PPARGC1A: variants seen among roughly 807,000 people sequenced by gnomAD.
PPARGC1A encodes peroxisome proliferator-activated receptor gamma coactivator 1-alpha.
In PPARGC1A, 25 loss-of-function variants were observed where a neutral mutation model predicts 88.7. That is an observed-to-expected ratio of 0.28 (90% CI 0.21 to 0.39). The LOEUF is 0.39. PPARGC1A is among the 10% of genes least tolerant of loss of function. The probability of loss-of-function intolerance (pLI) is 1.00; values close to 1 mark genes in which losing one functional copy is unlikely to be tolerated. For missense variants in PPARGC1A, 880 were observed against 968.7 expected (o/e 0.91, Z 1.22); for synonymous variants, 363 against 355.6 (o/e 1.02, Z -0.24).
the PPARGC1A span, among the ~76,000 whole-genome samples, chr4:24,125,595 C>G: frequency 5.3e-5 from 8 of 152,276 alleles, no homozygotes; most frequent in Admixed American, 1.3e-4. Flanking sequence ...TCCTTCCCTA[C>G]TTCTTATGCC....
At chr4:24,022,182 T>G in the PPARGC1A span, among the ~76,000 whole-genome samples, 1 of 152,166 alleles carries the variant, frequency 6.6e-6, no homozygotes, top group Non-Finnish European at 1.5e-5. Context: ...AGCTCTCTTT[T>G]GCTCTTTCTG....
intron 2 of PPARGC1A, chr4:23,875,819 T>G (rs1413284437): frequency 6.6e-6 from 1 of 152,224 alleles, no homozygotes; most frequent in Non-Finnish European, 1.5e-5. Flanking sequence ...TAGAAGATGT[T>G]TTGTGTGCTT....
At chr4:23,841,312 A>G (rs1477543151) in intron 2 of PPARGC1A, among the ~76,000 whole-genome samples, 2 of 152,114 alleles carry the variant, frequency 1.3e-5, no homozygotes, top group Non-Finnish European at 2.9e-5. Context: ...TCCATACCAT[A>G]TAACACACTC....
chr4:23,818,631 G>A (rs1722402498), intron 7 of PPARGC1A, among the ~76,000 whole-genome samples: 1 of 151,896 alleles, frequency 6.6e-6, no homozygotes. Flanking sequence ...TCTGGGAGAA[G>A]TGGTACATAC....
the PPARGC1A span, among the ~76,000 whole-genome samples, chr4:24,379,166 AT>A: frequency 2.6e-4 from 40 of 152,324 alleles, no homozygotes; most frequent in Non-Finnish European, 5.3e-4. Context: ...AAATTATCGC[AT>A]GTCTATATGA....
At chr4:23,865,904 T>C (rs1711838749) in intron 2 of PPARGC1A, among the ~76,000 whole-genome samples, 1 of 152,170 alleles carries the variant, frequency 6.6e-6, no homozygotes, top group South Asian at 2.1e-4. Flanking sequence ...TGTTGTAATC[T>C]ACACATGCAG....
chr4:24,151,440 A>G, the PPARGC1A span, among the ~76,000 whole-genome samples: 1 of 152,062 alleles, frequency 6.6e-6, no homozygotes, highest in African/African-American at 2.4e-5. Flanking sequence ...CTTCTCTCAC[A>G]AGTTCATCTA....
At chr4:24,208,675 G>GA in the PPARGC1A span, among the ~76,000 whole-genome samples, 3,199 of 126,086 alleles carry the variant, frequency 0.025, 125 homozygotes, top group African/African-American at 0.084. Flanking sequence ...ACCAAACTCA[G>GA]AAAAAAAATA....
chr4:23,840,096 A>C (rs1279891497), intron 2 of PPARGC1A, among the ~76,000 whole-genome samples: 1 of 152,102 alleles, frequency 6.6e-6, no homozygotes, highest in African/African-American at 2.4e-5. Context: ...AGTCATGTGA[A>C]ACCCCTCTTC....
chr4:24,031,468 ACTGT>A, the PPARGC1A span, among the ~76,000 whole-genome samples: 3 of 152,098 alleles, frequency 2.0e-5, no homozygotes, highest in Non-Finnish European at 4.4e-5. Context: ...AAATGATCAA[ACTGT>A]CTAATAAACC....
the PPARGC1A span, among the ~76,000 whole-genome samples, chr4:23,997,251 C>T: frequency 6.6e-6 from 1 of 151,994 alleles, no homozygotes. Context: ...AAATCAGGAA[C>T]ACATGATTTG....
At chr4:24,095,180 C>T in the PPARGC1A span, among the ~76,000 whole-genome samples, 2,105 of 147,328 alleles carry the variant, frequency 0.014, 52 homozygotes, top group African/African-American at 0.051. Context: ...TGCAGTGGCA[C>T]GATCCTGGCT....
At chr4:24,200,655 C>CAAAAA in the PPARGC1A span, among the ~76,000 whole-genome samples, 10 of 88,358 alleles carry the variant, frequency 1.1e-4, no homozygotes, top group East Asian at 1.8e-3. Flanking sequence ...ATTTATTAAG[C>CAAAAA]AAAAAAAAAA....
At chr4:24,238,485 C>G in the PPARGC1A span, among the ~76,000 whole-genome samples, 1 of 152,142 alleles carries the variant, frequency 6.6e-6, no homozygotes, top group Non-Finnish European at 1.5e-5. Context: ...TCAGCCTCCT[C>G]TGTGTCAGAT....
chr4:24,060,470 A>G, the PPARGC1A span, among the ~76,000 whole-genome samples: 2 of 152,190 alleles, frequency 1.3e-5, no homozygotes, highest in Admixed American at 6.5e-5. Flanking sequence ...TGCCTATATA[A>G]TCAGATAAAC....
the PPARGC1A span, among the ~76,000 whole-genome samples, chr4:24,236,840 A>G: frequency 5.9e-5 from 9 of 152,306 alleles, no homozygotes; most frequent in South Asian, 6.2e-4. Flanking sequence ...AAAAGTTACA[A>G]AAGTCTGTCT....
At chr4:24,096,885 C>T in the PPARGC1A span, among the ~76,000 whole-genome samples, 4 of 152,116 alleles carry the variant, frequency 2.6e-5, no homozygotes, top group Admixed American at 6.5e-5. Flanking sequence ...ATACAAAGTG[C>T]ATCAGTCAGT....
Position 23,795,296 on chromosome 4 carries a change from TA to T in PPARGC1A, c.*525del, listed in dbSNP as rs1717330206. ...AGTTTTCTTTCCTTTTTAATTTATATATATATATATATATATATATATATAT... is the reference window on the plus strand; with the variant it reads ...AGTTTTCTTTCCTTTTTAATTTATATTATATATATATATATATATATATAT... On this transcript the variant is annotated 3_prime_UTR_variant, in exon 13 of 13. Coordinates refer to ENST00000264867, the MANE Select transcript of PPARGC1A (RefSeq NM_013261.5). 4.1e-3 allele frequency: 9 copies of T among 2,176 alleles called. No homozygotes were observed. In the Admixed American group the frequency reaches 0.067, roughly 16 times the overall value. 0.1% of individuals were successfully genotyped at this position (2,176 alleles called of 1,614,324 possible).
chr4:24,384,212 T>A, the PPARGC1A span, among the ~76,000 whole-genome samples: 1 of 152,086 alleles, frequency 6.6e-6, no homozygotes, highest in Non-Finnish European at 1.5e-5. Context: ...CAGGTCTGCC[T>A]TACAAGAGCT....
Sources: gnomAD v4.1 joint callset for allele counts (sites outside exome capture counted in the v4.1 genomes callset) on GRCh38, gnomAD v4.1.1 for gene constraint, MANE v1.5 for transcripts, NCBI Gene and HGNC (gene_info 2026-07-23, HGNC 2026-07-21) for gene names.